The following GOLGB1 variants were observed in gnomAD, a reference collection of about 807,000 sequenced individuals.
GOLGB1 encodes the protein golgin B1, also known as golgin subfamily B member 1.
GOLGB1 carries 174 observed loss-of-function variants against 336.9 expected under a neutral mutation model. That is an observed-to-expected ratio of 0.52 (90% CI 0.46 to 0.59). The LOEUF (loss-of-function observed/expected upper bound fraction) is 0.59, where lower values mean the gene tolerates loss of function less well. Ranked by LOEUF, GOLGB1 falls within the 20% of genes least tolerant of loss-of-function variation. The pLI is 0.00. For missense variants in GOLGB1, 3,331 were observed against 3,645.3 expected, an observed-to-expected ratio of 0.91 and a Z score of 2.22; for synonymous variants, 1,208 against 1,289.2, an observed-to-expected ratio of 0.94 and a Z score of 1.35.
chr3:121,673,393 T>C (rs1939850671), intron 17 of GOLGB1, among the ~76,000 whole-genome samples: 1 of 152,172 alleles, frequency 6.6e-6, no homozygotes, highest in Admixed American at 6.5e-5. Flanking sequence ...TTAATCAAGA[T>C]TGCTTTGGCT....
At position 121,680,385 on chromosome 3, in the gene GOLGB1, C is replaced by T. The variant is rs183608987; in HGVS notation, c.8873+1302G>A. 2.0e-5 allele frequency among the ~76,000 whole-genome samples: 3 copies of T among 152,250 alleles called. No individual in the cohort carries two copies. In the East Asian group the frequency reaches 5.8e-4, roughly 29 times the overall value. The stretch of plus-strand genomic sequence containing the variant: ...TCAACAGTTTATAACACTGAGGTGA[C>T]ACAAATATTAGAATTATATGACAAG... On this transcript the variant is annotated intron_variant, in intron 15 of 21. Transcript: ENST00000614479.
At chr3:121,724,304 C>T (rs983178403) in intron 5 of GOLGB1, among the ~76,000 whole-genome samples, 1 of 152,108 alleles carries the variant, frequency 6.6e-6, no homozygotes, top group Non-Finnish European at 1.5e-5. Flanking sequence ...AATAGTAAAG[C>T]CCATTCTGGT....
At chr3:121,722,120 T>C in intron 6 of GOLGB1, 142 bp downstream of exon 6, 1 of 595,246 alleles carries the variant, frequency 1.7e-6, no homozygotes, top group South Asian at 2.2e-5. Flanking sequence ...TTCTACTACA[T>C]ATCCTTCTAA....
chr3:121,696,445 T>C lies in GOLGB1; in HGVS notation c.4078A>G (p.Ser1360Gly). ...GCTTCATGGGATACTGTCTTTAGAC[T>C]CTCGATTTCTAAACCCTGTTTATTT... ...QINKQGLEIE[S>G]LKTVSHEAEV... The change falls in exon 13 of 22, where the codon AGT becomes GGT. Residue 1360 changes from serine to glycine, a missense_variant. Coordinates refer to ENST00000614479, the MANE Select transcript of GOLGB1 (RefSeq NM_001366282.2). 1 of 1,614,080 alleles carries C rather than the reference T, an allele frequency of 6.2e-7. No individual in the cohort carries two copies. The highest frequency in any genetic ancestry group is 1.1e-5 in the South Asian group (1 of 91,090).
chr3:121,699,213 T>C (rs1943193729), intron 12 of GOLGB1, among the ~76,000 whole-genome samples: 1 of 152,142 alleles, frequency 6.6e-6, no homozygotes, highest in Admixed American at 6.6e-5. Flanking sequence ...AAGCTTTTTT[T>C]CCTTCAGAAT....
chr3:121,745,459 T>C (rs1013126077), intron 1 of GOLGB1, among the ~76,000 whole-genome samples: 1 of 135,806 alleles, frequency 7.4e-6, no homozygotes, highest in African/African-American at 2.8e-5. Context: ...CACGTGTATG[T>C]ATATATACAT....
intron 10 of GOLGB1, among the ~76,000 whole-genome samples, chr3:121,707,562 G>A (rs1385874518): frequency 6.6e-6 from 1 of 151,702 alleles, no homozygotes; most frequent in Non-Finnish European, 1.5e-5. Flanking sequence ...GAGCCCAGGA[G>A]GATGAGGCTG....
intron 14 of GOLGB1, among the ~76,000 whole-genome samples, chr3:121,689,282 A>G (rs1218130488): frequency 2.6e-5 from 4 of 152,198 alleles, no homozygotes; most frequent in Admixed American, 6.5e-5. Context: ...AGACATGGGA[A>G]ACTTTTCATT....
Position 121,691,693 on chromosome 3 carries a change from C to T in GOLGB1, c.7671G>A (p.Lys2557=). ...GCTGAAGTTGAACTTCAAGAAGCTG[C>T]TTTTGTTGGCTGTCCTTTATTGTTA... The part of the protein sequence containing the change: ...QVITIKDSQQ[K]QLLEVQLQQN... Residue 2557 remains lysine, a synonymous_variant, in exon 14 of 22, where the codon AAG becomes AAA. Transcript: ENST00000614479. The T allele has an allele frequency of 6.2e-7, 1 of 1,611,764 alleles. No homozygotes were observed. The highest frequency in any genetic ancestry group is 8.5e-7 in the Non-Finnish European group (1 of 1,179,516).
Position 121,664,378 on chromosome 3 carries a change from C to T in GOLGB1, c.*102G>A. On this transcript the variant is annotated 3_prime_UTR_variant, in exon 22 of 22. Transcript: ENST00000614479. ...TTTCCGTGAAGAGTTGGAGAGAAGA[C>T]CTGTAAATGGGAAGACTGTTCCACT... The T allele has an allele frequency of 9.6e-7, 1 of 1,042,214 alleles. No individual in the cohort carries two copies. Among genetic ancestry groups the T allele is most frequent in the South Asian group, 1.4e-5 (1 of 73,852 alleles). 64.6% of individuals were successfully genotyped at this position (1,042,214 alleles called of 1,614,324 possible).
intron 10 of GOLGB1, among the ~76,000 whole-genome samples, chr3:121,710,834 G>A (rs1209271749): frequency 6.6e-6 from 1 of 151,710 alleles, no homozygotes; most frequent in African/African-American, 2.4e-5. Flanking sequence ...CCCAGCCTGG[G>A]TGATGGAGTG....
rs963258483 is a variant in GOLGB1, at chr3:121,729,741, G to T, written c.249+124C>A. On this transcript the variant is annotated intron_variant, in intron 3 of 21. Coordinates refer to ENST00000614479, the MANE Select transcript of GOLGB1 (RefSeq NM_001366282.2). ...CAAAAGTTATTTTCAGTAGGCATAA[G>T]GTTACAGTACTAGGGAGATAATCAG... is the stretch of plus-strand genomic sequence containing the variant. 137 of 719,174 alleles carry T rather than the reference G, an allele frequency of 1.9e-4. 1 individual carries two copies. The East Asian group carries it at 3.5e-3, about 18-fold the overall frequency. The allele number at this position is 719,174 out of a possible 1,614,324, so 44.5% of individuals were successfully genotyped here.
At chr3:121,674,404 T>C (rs1232769113) in intron 17 of GOLGB1, among the ~76,000 whole-genome samples, 1 of 152,234 alleles carries the variant, frequency 6.6e-6, no homozygotes. Flanking sequence ...CCATATACTT[T>C]AAATAATCTC....
At chr3:121,667,313 G>A (rs1187167883) in intron 20 of GOLGB1, among the ~76,000 whole-genome samples, 163 bp downstream of exon 20, 1 of 152,150 alleles carries the variant, frequency 6.6e-6, no homozygotes, top group Non-Finnish European at 1.5e-5. Context: ...TACTCCAAAA[G>A]TACAGTGTTC....
chr3:121,699,242 T>C (rs1160968843), intron 12 of GOLGB1, among the ~76,000 whole-genome samples: 1 of 152,142 alleles, frequency 6.6e-6, no homozygotes, highest in East Asian at 1.9e-4. Flanking sequence ...TAATTGATTT[T>C]TTTTAAAAAG....
chr3:121,702,585 T>A lies in GOLGB1; in HGVS notation c.1415A>T (p.Glu472Val). Residue 472 changes from glutamate to valine, a missense_variant, in exon 11 of 22, where the codon GAG (glutamate) becomes GTG (valine). Coordinates refer to ENST00000614479, the MANE Select transcript of GOLGB1 (RefSeq NM_001366282.2). ...CTTCTGCAAAGAAGCAATATTCTCC[T>A]CAGTGACTGCCTAAATTGTAGAAAG... is the stretch of plus-strand genomic sequence containing the variant. Reference protein sequence around the residue: ...VYNEGTQAVTEENIASLQKRV... With the variant: ...VYNEGTQAVTVENIASLQKRV... The A allele has an allele frequency of 6.8e-7, 1 of 1,467,102 alleles. No individual in the cohort carries two copies. Among genetic ancestry groups the A allele is most frequent in the South Asian group, 1.4e-5 (1 of 73,258 alleles). The allele number at this position is 1,467,102 out of a possible 1,614,324, so 90.9% of individuals were successfully genotyped here.
chr3:121,729,742 G>C, intron 3 of GOLGB1, 123 bp downstream of exon 3: 1 of 725,316 alleles, frequency 1.4e-6, no homozygotes, highest in Non-Finnish European at 2.3e-6. Context: ...TAGGCATAAG[G>C]TTACAGTACT....
intron 10 of GOLGB1, among the ~76,000 whole-genome samples, chr3:121,703,871 C>T (rs1039369559): frequency 1.3e-5 from 2 of 151,720 alleles, no homozygotes; most frequent in Admixed American, 6.6e-5. Context: ...AATAAAGAAG[C>T]TATTATATCT....
At chr3:121,719,809 C>A in intron 6 of GOLGB1, 41 bp from the exon 7 acceptor site, 1 of 1,520,990 alleles carries the variant, frequency 6.6e-7, no homozygotes, top group Non-Finnish European at 8.8e-7. Flanking sequence ...GTTACACTCC[C>A]CGAATATTGC....
Sources: allele counts gnomAD v4.1 joint callset (sites outside exome capture counted in the v4.1 genomes callset), GRCh38; gene constraint gnomAD v4.1.1; transcripts MANE v1.5; gene names NCBI Gene and HGNC (gene_info 2026-07-23, HGNC 2026-07-21).